Variants in CSMD3 observed in about 807,000 individuals in gnomAD.
CSMD3 encodes CUB and Sushi multiple domains 3, also known as CUB and sushi domain-containing protein 3.
Under a neutral mutation model 435.2 loss-of-function variants are expected in CSMD3, and 177 were observed. The observed-to-expected ratio is 0.41, with a 90% CI of 0.36 to 0.46. CSMD3 has a LOEUF of 0.46. Among genes scored for constraint, CSMD3 ranks in the 20% least tolerant of loss-of-function variants. The pLI, the probability that CSMD3 is intolerant of heterozygous loss-of-function variation, is 0.34. For missense variants in CSMD3, 4,265 were observed against 4,504.6 expected (o/e 0.95, Z 1.52); for synonymous variants, 1,656 against 1,520.5 (o/e 1.09, Z -2.07).
In CSMD3 at chr8:112,247,055, T is replaced by C; in HGVS notation, c.10187A>G (p.Asp3396Gly). 1 of 1,613,856 alleles carries C rather than the reference T, an allele frequency of 6.2e-7. No individual in the cohort carries two copies. Among genetic ancestry groups the C allele is most frequent in the Non-Finnish European group, 8.5e-7 (1 of 1,179,834 alleles). ...QGSTTRTCLPDLTWSGIQPEC... is the reference protein window; with the variant it reads ...QGSTTRTCLPGLTWSGIQPEC... ...AGGCTGAATCCCACTCCACGTAAGA[T>C]CAGGGAGGCAGGTGCGTGTTGTAGA... Residue 3396 changes from aspartate (D) to glycine (G), a missense_variant, in exon 64 of 71, where the codon GAT becomes GGT. Around this residue, in one of 3 missense-constraint regions of CSMD3, gnomAD observed 3,255 missense variants for 3,380.2 expected, o/e 0.96. Transcript: ENST00000297405.
At chr8:112,731,691 T>A (rs957962407) in intron 13 of CSMD3, among the ~76,000 whole-genome samples, 2 of 152,122 alleles carry the variant, frequency 1.3e-5, no homozygotes. Context: ...GAGCTTGATA[T>A]GTGATTTTCC....
intron 1 of CSMD3, among the ~76,000 whole-genome samples, chr8:113,400,076 A>G (rs1174746463): frequency 5.9e-5 from 9 of 151,904 alleles, no homozygotes; most frequent in Non-Finnish European, 1.3e-4. Flanking sequence ...CAATATCCCT[A>G]TTTAGATTAG....
chr8:113,063,778 G>A, intron 5 of CSMD3, among the ~76,000 whole-genome samples: 1 of 151,736 alleles, frequency 6.6e-6, no homozygotes, highest in East Asian at 1.9e-4. Flanking sequence ...TATGTTTACA[G>A]ATATTTAAAG....
Position 113,392,755 on chromosome 8 carries a change from T to C in CSMD3, c.178+43922A>G, listed in dbSNP as rs189099332. On this transcript the variant is annotated intron_variant, in intron 1 of 70. Transcript: ENST00000297405. ...GGAAATGATTCAAGAGTGATGAATC[T>C]AATATTTTATGTTATAATTTATGAA... 1.1e-4 allele frequency among the ~76,000 whole-genome samples: 16 copies of C among 152,218 alleles called. No individual in the cohort carries two copies. In the East Asian group the frequency reaches 3.1e-3, roughly 29 times the overall value.
In CSMD3 at chr8:113,346,836, C is replaced by T. The variant is rs184237393; in HGVS notation, c.179-32043G>A. ...TAAGAATATAAAGATGTTTTCTTTC[C>T]TCTTTTCTTTATAGAGAATATACAG... On this transcript the variant is annotated intron_variant, in intron 1 of 70. Transcript: ENST00000297405. Among the ~76,000 whole-genome samples, 397 of 152,038 alleles carry T rather than the reference C, an allele frequency of 2.6e-3. 2 individuals are homozygous for T. The highest frequency in any genetic ancestry group is 4.8e-3 in the Non-Finnish European group (328 of 67,950).
rs1832024877 is a variant in CSMD3, at chr8:112,408,171, A to G, written c.5605+147T>C. ...GATTTTGTTTACTTTGGTCAAGGTGACAGTGATCTAGTGATGGTGGAGGGG... is the reference window on the plus strand; with the variant it reads ...GATTTTGTTTACTTTGGTCAAGGTGGCAGTGATCTAGTGATGGTGGAGGGG... On this transcript the variant is annotated intron_variant, in intron 34 of 70. Transcript: ENST00000297405. 5 of 665,300 alleles carry G rather than the reference A, an allele frequency of 7.5e-6. 1 individual carries two copies. In the East Asian group the frequency reaches 1.4e-4, roughly 18 times the overall value. 41.2% of individuals were successfully genotyped at this position (665,300 alleles called of 1,614,324 possible). A position where few individuals can be genotyped will look rare whatever the true frequency, so the allele number is the denominator to read the frequency against.
chr8:112,987,544 G>A (rs895529558), intron 6 of CSMD3, among the ~76,000 whole-genome samples: 7 of 152,006 alleles, frequency 4.6e-5, no homozygotes, highest in Non-Finnish European at 7.4e-5. Flanking sequence ...ATGATAAAGC[G>A]CAGAGCTGCT....
intron 13 of CSMD3, among the ~76,000 whole-genome samples, chr8:112,779,564 A>G (rs2078331368): frequency 6.6e-6 from 1 of 152,044 alleles, no homozygotes; most frequent in East Asian, 1.9e-4. Context: ...TCTTCAGCCC[A>G]TCACAGAGTT....
chr8:112,748,028 A>C (rs1024770823), intron 13 of CSMD3, among the ~76,000 whole-genome samples: 1 of 150,396 alleles, frequency 6.6e-6, no homozygotes, highest in Admixed American at 6.6e-5. Flanking sequence ...AAAGTTTTCT[A>C]GCTCTTGTTT....
chr8:112,754,401 G>A (rs965550719), intron 13 of CSMD3, among the ~76,000 whole-genome samples: 3 of 151,968 alleles, frequency 2.0e-5, no homozygotes, highest in Admixed American at 1.3e-4. Flanking sequence ...GTTAAGAAGA[G>A]AACCCAAGCC....
At chr8:113,242,597 G>A (rs2093230842) in intron 3 of CSMD3, among the ~76,000 whole-genome samples, 1 of 151,948 alleles carries the variant, frequency 6.6e-6, no homozygotes, top group Admixed American at 6.6e-5. Flanking sequence ...ATTCTTTATT[G>A]TGAAAACTCA....
intron 7 of CSMD3, among the ~76,000 whole-genome samples, chr8:112,968,055 A>C (rs1385280103): frequency 6.6e-6 from 1 of 151,832 alleles, no homozygotes; most frequent in Non-Finnish European, 1.5e-5. Flanking sequence ...CAAATAAAGA[A>C]GTTTTCGAAT....
intron 5 of CSMD3, among the ~76,000 whole-genome samples, chr8:113,063,472 T>C (rs953464730): frequency 1.3e-5 from 2 of 152,020 alleles, no homozygotes; most frequent in African/African-American, 4.8e-5. Flanking sequence ...TTTTCAGATT[T>C]ATATTTAATT....
intron 32 of CSMD3, among the ~76,000 whole-genome samples, chr8:112,427,445 C>T (rs1447903449): frequency 6.6e-6 from 1 of 152,098 alleles, no homozygotes; most frequent in Non-Finnish European, 1.5e-5. Context: ...CTTCACACTG[C>T]ATTTCTCCTA....
In CSMD3 at chr8:112,687,975, T is replaced by C. The variant is rs550819044; in HGVS notation, c.2155+1893A>G. Among the ~76,000 whole-genome samples, 9 of 152,260 alleles carry C rather than the reference T, an allele frequency of 5.9e-5. No individual in the cohort carries two copies. In the South Asian group the frequency reaches 1.7e-3, roughly 28 times the overall value. Reference sequence around the variant, plus strand: ...TTGATCCTATAACTCCTGATCTAAATTAAGGGTCGGAAATCTTTTTCTGAA... The same window carrying C: ...TTGATCCTATAACTCCTGATCTAAACTAAGGGTCGGAAATCTTTTTCTGAA... On this transcript the variant is annotated intron_variant, in intron 14 of 70. Transcript: ENST00000297405.
intron 44 of CSMD3, among the ~76,000 whole-genome samples, chr8:112,335,740 T>TTG (rs1240550061): frequency 6.9e-6 from 1 of 144,242 alleles, no homozygotes; most frequent in African/African-American, 2.9e-5. Flanking sequence ...TGTCTTTGTT[T>TTG]TTTTTTTTTT....
At chr8:112,345,500 A>G (rs1165387697) in intron 41 of CSMD3, among the ~76,000 whole-genome samples, 1 of 152,184 alleles carries the variant, frequency 6.6e-6, no homozygotes, top group East Asian at 1.9e-4. Context: ...ACAGAAAGAC[A>G]TATCACATGA....
At chr8:112,755,331 A>AAATAATAATAATAATAAT (rs71309790) in intron 13 of CSMD3, among the ~76,000 whole-genome samples, 13 of 128,724 alleles carry the variant, frequency 1.0e-4, no homozygotes, top group East Asian at 2.3e-4. Flanking sequence ...ACTCCGTCTC[A>AAATAATAATAATAATAAT]AATAATAATA....
intron 36 of CSMD3, among the ~76,000 whole-genome samples, chr8:112,386,483 T>C (rs942296048): frequency 6.6e-6 from 1 of 151,994 alleles, no homozygotes; most frequent in Non-Finnish European, 1.5e-5. Context: ...AGAAGACACA[T>C]GAAAGCCAAC....
Sources: allele counts gnomAD v4.1 joint callset (sites outside exome capture counted in the v4.1 genomes callset), GRCh38; gene constraint gnomAD v4.1.1; regional missense constraint gnomAD v4.1.1; transcripts MANE v1.5; gene names NCBI Gene and HGNC (gene_info 2026-07-23, HGNC 2026-07-21).